COL24A1: variants seen among roughly 807,000 people sequenced by gnomAD.
COL24A1 encodes collagen type XXIV alpha 1 chain.
In COL24A1, 224 loss-of-function variants were observed where a neutral mutation model predicts 253.9. The observed-to-expected ratio is 0.88, with a 90% CI of 0.79 to 0.99. The LOEUF (loss-of-function observed/expected upper bound fraction) is 0.99. Ranked by LOEUF, COL24A1 falls within the 50% of genes least tolerant of loss-of-function variation. The probability of loss-of-function intolerance (pLI) is 0.00; values close to 1 mark genes in which losing one functional copy is unlikely to be tolerated. For missense variants in COL24A1, 2,131 were observed against 2,068.5 expected (o/e 1.03, Z -0.59); for synonymous variants, 685 against 673.7 (o/e 1.02, Z -0.26).
intron 21 of COL24A1, among the ~76,000 whole-genome samples, 154 bp downstream of exon 21, chr1:85,971,186 G>A (rs1415433747): frequency 6.6e-6 from 1 of 152,086 alleles, no homozygotes; most frequent in African/African-American, 2.4e-5. Flanking sequence ...TCCATCCTGG[G>A]CAAGAGACCA....
At chr1:86,022,377 C>CAT (rs1314422446) in intron 17 of COL24A1, 84 bp from the exon 18 acceptor site, 2 of 1,441,388 alleles carry the variant, frequency 1.4e-6, no homozygotes, top group African/African-American at 1.4e-5. Context: ...TAAAAAATTT[C>CAT]ATAAAGTATG....
chr1:85,962,765 G>A (rs1302611018), intron 23 of COL24A1, among the ~76,000 whole-genome samples: 2 of 152,196 alleles, frequency 1.3e-5, no homozygotes, highest in African/African-American at 4.8e-5. Context: ...GATTAAATAT[G>A]TTATGTCTAA....
chr1:86,055,295 A>G (rs1700589233), intron 10 of COL24A1, among the ~76,000 whole-genome samples: 1 of 152,178 alleles, frequency 6.6e-6, no homozygotes, highest in Non-Finnish European at 1.5e-5. Context: ...AATTTCAAAT[A>G]ATTTTTAAAT....
intron 14 of COL24A1, among the ~76,000 whole-genome samples, chr1:86,029,370 G>C (rs946535825): frequency 2.0e-5 from 3 of 152,150 alleles, no homozygotes; most frequent in African/African-American, 7.2e-5. Flanking sequence ...AACAATTGTG[G>C]CTAGTCCACT....
chr1:86,008,238 A>G (rs965693541), intron 19 of COL24A1, among the ~76,000 whole-genome samples: 2 of 152,110 alleles, frequency 1.3e-5, no homozygotes, highest in Non-Finnish European at 2.9e-5. Context: ...ATTCAAGAAA[A>G]TATTAATGGA....
intron 37 of COL24A1, among the ~76,000 whole-genome samples, chr1:85,853,382 T>C (rs1217386364): frequency 1.3e-5 from 2 of 152,120 alleles, no homozygotes; most frequent in East Asian, 1.9e-4. Context: ...TTGATGGAGA[T>C]CTAGGCTGAT....
At chr1:85,933,025 C>G (rs1571275582) in intron 24 of COL24A1, among the ~76,000 whole-genome samples, 2 of 121,130 alleles carry the variant, frequency 1.7e-5, no homozygotes, top group Non-Finnish European at 3.3e-5. Context: ...CAGCATGGCA[C>G]ATGTATACAT....
At chr1:85,731,956 CACA>C (rs1004534840) in intron 59 of COL24A1, among the ~76,000 whole-genome samples, 3 of 152,076 alleles carry the variant, frequency 2.0e-5, no homozygotes, top group Non-Finnish European at 2.9e-5. Context: ...TATACACACA[CACA>C]ACAACCACCA....
intron 7 of COL24A1, among the ~76,000 whole-genome samples, chr1:86,085,580 C>T (rs995605430): frequency 6.6e-6 from 1 of 152,146 alleles, no homozygotes; most frequent in African/African-American, 2.4e-5. Flanking sequence ...TCTAATATAG[C>T]AACTGATTGG....
intron 43 of COL24A1, among the ~76,000 whole-genome samples, chr1:85,827,224 A>G (rs904740300): frequency 2.6e-5 from 4 of 151,956 alleles, no homozygotes; most frequent in Non-Finnish European, 5.9e-5. Flanking sequence ...ATGGTGGATT[A>G]CATTTATTGA....
intron 7 of COL24A1, among the ~76,000 whole-genome samples, chr1:86,077,094 C>G (rs754775222): frequency 6.6e-6 from 1 of 152,186 alleles, no homozygotes; most frequent in Non-Finnish European, 1.5e-5. Flanking sequence ...ATCTATCCAT[C>G]TGACAAAGGG....
Position 85,744,711 on chromosome 1 carries a change from G to C in COL24A1, c.4627C>G (p.Arg1543Gly). The stretch of plus-strand genomic sequence containing the variant: ...CAGTTAAGTAAATCTTTGCAGATTC[G>C]TGCTGGGTTATCTCGTGTGCCAAGA... ...NPLGTRDNPA[R>G]ICKDLLNCEQ... Residue 1543 changes from arginine to glycine, a missense_variant, in exon 57 of 60, where the codon CGA (arginine) becomes GGA (glycine). Transcript: ENST00000370571. The C allele has an allele frequency of 1.9e-6, 3 of 1,609,518 alleles. No individual in the cohort carries two copies. Among genetic ancestry groups the C allele is most frequent in the Non-Finnish European group, 2.5e-6 (3 of 1,178,628 alleles).
At chr1:85,852,068 A>C (rs1274165301) in intron 37 of COL24A1, among the ~76,000 whole-genome samples, 2 of 152,166 alleles carry the variant, frequency 1.3e-5, no homozygotes, top group Non-Finnish European at 2.9e-5. Context: ...TTAAGCCTTT[A>C]ATCAATTGGA....
chr1:85,744,269 A>T (rs766589644), intron 57 of COL24A1, among the ~76,000 whole-genome samples: 5 of 152,050 alleles, frequency 3.3e-5, no homozygotes, highest in Non-Finnish European at 7.4e-5. Context: ...TTTAAATTCC[A>T]TTTTGTATTA....
At chr1:85,830,150 C>T (rs547455329) in intron 43 of COL24A1, among the ~76,000 whole-genome samples, 1 of 152,060 alleles carries the variant, frequency 6.6e-6, no homozygotes, top group Admixed American at 6.6e-5. Context: ...CAGACAGGAC[C>T]CTCAGCTGCA....
At chr1:85,886,294 C>T (rs1215565870) in intron 32 of COL24A1, among the ~76,000 whole-genome samples, 1 of 151,924 alleles carries the variant, frequency 6.6e-6, no homozygotes, top group African/African-American at 2.4e-5. Flanking sequence ...AGTGATCCAT[C>T]TGCCTCGGCC....
chr1:86,130,794 T>C (rs1649051645), intron 2 of COL24A1, among the ~76,000 whole-genome samples: 1 of 152,048 alleles, frequency 6.6e-6, no homozygotes, highest in Non-Finnish European at 1.5e-5. Context: ...CCTACCATTT[T>C]TCTGTAATTG....
In COL24A1 at chr1:85,889,623, T is replaced by C; in HGVS notation, c.2923-10A>G. ...GCAATCCCTGTAAACCCTGGACAAA[T>C]AAAGGCAATACTTGTAGGAAAAGTG... On this transcript the variant is annotated splice_polypyrimidine_tract_variant and intron_variant, in intron 31 of 59. Coordinates refer to ENST00000370571, the MANE Select transcript of COL24A1 (RefSeq NM_152890.7). 6.2e-7 allele frequency: 1 copy of C among 1,612,186 alleles called. No homozygotes were observed. Among genetic ancestry groups the C allele is most frequent in the Non-Finnish European group, 8.5e-7 (1 of 1,178,562 alleles).
Position 85,835,883 on chromosome 1 carries a change from AT to A in COL24A1, c.3681+2701del, listed in dbSNP as rs367587682. On this transcript the variant is annotated intron_variant, in intron 43 of 59. Transcript: ENST00000370571. ...AAAATATGGCATCTCGGAATATTGAATATTTTAAGCTGAAGCAATCTGAGGA... is the reference window on the plus strand; with the variant it reads ...AAAATATGGCATCTCGGAATATTGAAATTTTAAGCTGAAGCAATCTGAGGA... 2.1e-3 allele frequency among the ~76,000 whole-genome samples: 326 copies of A among 152,316 alleles called. 9 individuals are homozygous for A. In the South Asian group the frequency reaches 0.051, roughly 24 times the overall value.
Sources: allele counts gnomAD v4.1 joint callset (sites outside exome capture counted in the v4.1 genomes callset), GRCh38; gene constraint gnomAD v4.1.1; transcripts MANE v1.5; gene names NCBI Gene and HGNC (gene_info 2026-07-23, HGNC 2026-07-21).